GPHN: variants seen among roughly 807,000 people sequenced by gnomAD.
GPHN encodes gephyrin.
In GPHN, 17 loss-of-function variants were observed where a neutral mutation model predicts 95.5. The observed-to-expected ratio is 0.18, with a 90% CI of 0.12 to 0.27. GPHN has a LOEUF of 0.27. Ranked by LOEUF, GPHN falls within the 10% of genes least tolerant of loss-of-function variation. The probability of loss-of-function intolerance (pLI) is 1.00; values close to 1 mark genes in which losing one functional copy is unlikely to be tolerated. For missense variants in GPHN, 660 were observed against 978.1 expected (o/e 0.67, Z 4.34); for synonymous variants, 320 against 322.5 (o/e 0.99, Z 0.08).
intron 4 of GPHN, among the ~76,000 whole-genome samples, chr14:66,868,481 C>T (rs2063310720): frequency 6.6e-6 from 1 of 152,096 alleles, no homozygotes; most frequent in African/African-American, 2.4e-5. Flanking sequence ...GCAGCCTCTG[C>T]AACCCGGGTT....
the GPHN span, among the ~76,000 whole-genome samples, chr14:67,542,742 C>T: frequency 2.0e-5 from 3 of 151,580 alleles, no homozygotes; most frequent in Admixed American, 2.0e-4. Flanking sequence ...CTCTTGTTGC[C>T]CAGGCTGGAG....
chr14:67,205,960 G>A, the GPHN span, among the ~76,000 whole-genome samples: 1 of 152,180 alleles, frequency 6.6e-6, no homozygotes, highest in Non-Finnish European at 1.5e-5. Flanking sequence ...AAGACAGGTG[G>A]ATTGCTTGAG....
the GPHN span, among the ~76,000 whole-genome samples, chr14:67,636,591 A>T: frequency 6.6e-6 from 1 of 152,258 alleles, no homozygotes; most frequent in South Asian, 2.1e-4. Flanking sequence ...GGCTGTTTTG[A>T]TTTCTTCCTT....
chr14:67,302,314 T>C, the GPHN span: 5 of 1,098,020 alleles, frequency 4.6e-6, no homozygotes, highest in South Asian at 1.3e-4. Flanking sequence ...AACTGAAGGT[T>C]AGTATTGTTG....
chr14:67,058,020 G>T (rs2075673560), intron 10 of GPHN, among the ~76,000 whole-genome samples: 1 of 152,108 alleles, frequency 6.6e-6, no homozygotes, highest in Non-Finnish European at 1.5e-5. Flanking sequence ...ACCATAAAGT[G>T]CAGCCTATCA....
intron 1 of GPHN, among the ~76,000 whole-genome samples, chr14:66,593,124 A>G (rs2061828422): frequency 6.6e-6 from 1 of 152,142 alleles, no homozygotes; most frequent in Non-Finnish European, 1.5e-5. Context: ...CAGGGCGTGG[A>G]ATATCACACA....
the GPHN span, chr14:67,600,268 C>A: frequency 3.7e-6 from 5 of 1,368,850 alleles, 1 homozygote; most frequent in East Asian, 8.1e-5. Context: ...CTGGCCGTCT[C>A]GCCCGCTCCA....
intron 2 of GPHN, among the ~76,000 whole-genome samples, chr14:66,718,366 G>A (rs909623387): frequency 4.6e-5 from 7 of 152,014 alleles, no homozygotes; most frequent in African/African-American, 1.4e-4. Flanking sequence ...TGTTCCTCCC[G>A]ATGGGTTCGT....
the GPHN span, among the ~76,000 whole-genome samples, chr14:67,330,202 GAAAT>G: frequency 6.7e-6 from 1 of 150,260 alleles, no homozygotes; most frequent in African/African-American, 2.4e-5. Flanking sequence ...TTTAGCAAAA[GAAAT>G]AAGTTGGAGG....
intron 17 of GPHN, among the ~76,000 whole-genome samples, chr14:67,135,926 C>T (rs1457900869): frequency 5.3e-5 from 8 of 152,172 alleles, no homozygotes; most frequent in Non-Finnish European, 1.2e-4. Flanking sequence ...ACCACTTGAT[C>T]TTCCAAGCAA....
At chr14:67,148,662 G>A (rs1037597620) in intron 18 of GPHN, among the ~76,000 whole-genome samples, 3 of 145,058 alleles carry the variant, frequency 2.1e-5, no homozygotes, top group African/African-American at 7.8e-5. Flanking sequence ...CCGGGTTCAT[G>A]CCATTCTCCC....
At chr14:66,780,687 G>A (rs2059573325) in intron 3 of GPHN, among the ~76,000 whole-genome samples, 1 of 151,756 alleles carries the variant, frequency 6.6e-6, no homozygotes, top group South Asian at 2.1e-4. Context: ...GAGGCCTGAG[G>A]CATTAAAAAA....
At chr14:66,877,569 C>G (rs182019516) in intron 4 of GPHN, among the ~76,000 whole-genome samples, 2 of 152,230 alleles carry the variant, frequency 1.3e-5, no homozygotes, top group Admixed American at 1.3e-4. Flanking sequence ...ACAAAAATCA[C>G]AAGAATTCTT....
chr14:66,611,772 T>G (rs1053587858), intron 1 of GPHN, among the ~76,000 whole-genome samples: 5 of 152,202 alleles, frequency 3.3e-5, no homozygotes, highest in African/African-American at 1.2e-4. Context: ...CTCTACTGCC[T>G]GTGTCCGTGG....
At chr14:66,870,640 A>T (rs2063396743) in intron 4 of GPHN, among the ~76,000 whole-genome samples, 1 of 152,212 alleles carries the variant, frequency 6.6e-6, no homozygotes, top group Non-Finnish European at 1.5e-5. Context: ...TAAAAATATA[A>T]ATGTGAAGAG....
At chr14:67,129,998 T>C (rs184282124) in intron 17 of GPHN, among the ~76,000 whole-genome samples, 1 of 152,368 alleles carries the variant, frequency 6.6e-6, no homozygotes, top group East Asian at 1.9e-4. Context: ...TTTCAACCTC[T>C]CATTATAAAT....
the GPHN span, among the ~76,000 whole-genome samples, chr14:67,260,250 G>A: frequency 2.2e-3 from 329 of 152,258 alleles, 1 homozygote; most frequent in African/African-American, 7.7e-3. Flanking sequence ...CACCCTGACT[G>A]TGCCTGATCT....
At chr14:66,964,231 T>C (rs2153587021) in intron 8 of GPHN, among the ~76,000 whole-genome samples, 1 of 152,294 alleles carries the variant, frequency 6.6e-6, no homozygotes, top group Admixed American at 6.5e-5. Context: ...ATAATAACAG[T>C]AATAATAACC....
At chr14:67,341,711 A>G in the GPHN span, among the ~76,000 whole-genome samples, 3 of 152,254 alleles carry the variant, frequency 2.0e-5, no homozygotes, top group Non-Finnish European at 4.4e-5. Flanking sequence ...AGAACAGGCC[A>G]TGATGACAAT....
Sources: allele counts gnomAD v4.1 joint callset (sites outside exome capture counted in the v4.1 genomes callset), GRCh38; gene constraint gnomAD v4.1.1; transcripts MANE v1.5; gene names NCBI Gene and HGNC (gene_info 2026-07-23, HGNC 2026-07-21).